SGIP1: variants seen among roughly 807,000 people sequenced by gnomAD.
The protein encoded by SGIP1 is SH3GL interacting endocytic adaptor 1, also known as SH3-containing GRB2-like protein 3-interacting protein 1.
SGIP1 carries 38 observed loss-of-function variants against 107.5 expected under a neutral mutation model. That is an observed-to-expected ratio of 0.35 (90% CI 0.27 to 0.46). The LOEUF is 0.46. Among genes scored for constraint, SGIP1 ranks in the 20% least tolerant of loss-of-function variants. The pLI, the probability that SGIP1 is intolerant of heterozygous loss-of-function variation, is 1.00. For synonymous variants in SGIP1, 365 were observed against 366.1 expected (o/e 1.00, Z 0.03); for missense variants, 929 against 1,019.5 (o/e 0.91, Z 1.21).
intron 2 of SGIP1, 50 bp from the exon 3 acceptor site, chr1:66,633,020 G>A (rs1369725023): frequency 1.6e-6 from 2 of 1,220,144 alleles, no homozygotes; most frequent in African/African-American, 1.5e-5. Context: ...TAGTCTATGT[G>A]GCAAGAATGA....
chr1:66,656,573 C>T (rs1021987083), intron 7 of SGIP1, among the ~76,000 whole-genome samples: 1 of 152,136 alleles, frequency 6.6e-6, no homozygotes, highest in Non-Finnish European at 1.5e-5. Flanking sequence ...TCTTATGGGA[C>T]CACCATCGTA....
At chr1:66,719,264 T>C (rs377700551) in intron 18 of SGIP1, 30 bp from the exon 19 acceptor site, 2 of 1,496,620 alleles carry the variant, frequency 1.3e-6, no homozygotes, top group African/African-American at 2.8e-5. Flanking sequence ...CCTATTTTCA[T>C]AATAAATGAA....
intron 7 of SGIP1, among the ~76,000 whole-genome samples, chr1:66,648,534 C>A (rs1009097831): frequency 2.0e-5 from 3 of 152,182 alleles, no homozygotes; most frequent in African/African-American, 4.8e-5. Flanking sequence ...ATTCTCCTAA[C>A]TGTGCCCTAA....
At chr1:66,608,418 TA>T (rs1374959018) in intron 1 of SGIP1, among the ~76,000 whole-genome samples, 1 of 152,214 alleles carries the variant, frequency 6.6e-6, no homozygotes, top group Non-Finnish European at 1.5e-5. Flanking sequence ...TAAGCAAAAA[TA>T]ATTACACATA....
chr1:66,558,416 A>T (rs556691724), intron 1 of SGIP1, among the ~76,000 whole-genome samples: 4 of 151,948 alleles, frequency 2.6e-5, no homozygotes, highest in Non-Finnish European at 5.9e-5. Context: ...TAATCTGAAG[A>T]CTAAGCTAAC....
intron 1 of SGIP1, among the ~76,000 whole-genome samples, chr1:66,572,642 T>C (rs891019993): frequency 6.6e-6 from 1 of 152,084 alleles, no homozygotes; most frequent in Non-Finnish European, 1.5e-5. Flanking sequence ...CATCAACTTA[T>C]GATAGTAGTT....
At chr1:66,589,198 A>G (rs376008729) in intron 1 of SGIP1, among the ~76,000 whole-genome samples, 903 of 60,104 alleles carry the variant, frequency 0.015, 57 homozygotes, top group East Asian at 0.05. Flanking sequence ...ATATATATAT[A>G]TATATATATA....
At chr1:66,612,906 T>G (rs948176603) in intron 1 of SGIP1, among the ~76,000 whole-genome samples, 1 of 152,234 alleles carries the variant, frequency 6.6e-6, no homozygotes, top group African/African-American at 2.4e-5. Context: ...TGCTAAAAAC[T>G]CAGACTTGGC....
chr1:66,609,758 T>G (rs1374334468), intron 1 of SGIP1, among the ~76,000 whole-genome samples: 2 of 152,216 alleles, frequency 1.3e-5, no homozygotes, highest in African/African-American at 4.8e-5. Context: ...CTGACTAGGA[T>G]GCTAGCAAAC....
intron 1 of SGIP1, among the ~76,000 whole-genome samples, chr1:66,620,529 C>T (rs2070764696): frequency 6.6e-6 from 1 of 151,876 alleles, no homozygotes; most frequent in South Asian, 2.1e-4. Context: ...TACATGGCAG[C>T]AGAGAAGAGA....
chr1:66,548,676 G>C (rs1394174619), intron 1 of SGIP1, among the ~76,000 whole-genome samples: 1 of 152,146 alleles, frequency 6.6e-6, no homozygotes, highest in African/African-American at 2.4e-5. Context: ...GGCCAGATCA[G>C]AAAGATAGAA....
At chr1:66,563,874 T>C (rs1423363265) in intron 1 of SGIP1, among the ~76,000 whole-genome samples, 1 of 151,992 alleles carries the variant, frequency 6.6e-6, no homozygotes, top group Non-Finnish European at 1.5e-5. Flanking sequence ...CTTCCTTAAC[T>C]CTTAGAAAGC....
chr1:66,680,164 A>C (rs6588216), intron 14 of SGIP1, among the ~76,000 whole-genome samples: 1 of 152,060 alleles, frequency 6.6e-6, no homozygotes, highest in African/African-American at 2.4e-5. Context: ...TATCTAGTCT[A>C]TGAAGACATA....
rs1288274888 is a variant in SGIP1 at position 66,744,391 on chromosome 1, A to T, written c.*1296A>T. On this transcript the variant is annotated 3_prime_UTR_variant, in exon 25 of 25. Transcript: ENST00000371037. Reference sequence around the variant, plus strand: ...TATTCAATCTGGCCCTGCCATATGAACATTTAGAAAGACAAACTTCTTCGG... The same window carrying T: ...TATTCAATCTGGCCCTGCCATATGATCATTTAGAAAGACAAACTTCTTCGG... The T allele has an allele frequency of 1.3e-5, 2 of 152,166 alleles. No individual in the cohort carries two copies. Among genetic ancestry groups the T allele is most frequent in the African/African-American group, 4.8e-5 (2 of 41,474 alleles). 9.4% of individuals were successfully genotyped at this position (152,166 alleles called of 1,614,324 possible). A position where few individuals can be genotyped will look rare whatever the true frequency, so the allele number is the denominator to read the frequency against.
At chr1:66,569,735 C>A (rs2060128605) in intron 1 of SGIP1, among the ~76,000 whole-genome samples, 1 of 151,388 alleles carries the variant, frequency 6.6e-6, no homozygotes, top group Non-Finnish European at 1.5e-5. Context: ...TTGGTTTTGT[C>A]CTCATAAATG....
intron 1 of SGIP1, among the ~76,000 whole-genome samples, chr1:66,558,189 G>A (rs1161435514): frequency 1.3e-5 from 2 of 152,090 alleles, no homozygotes; most frequent in African/African-American, 4.8e-5. Context: ...GGAGACAATG[G>A]CATTCATCTC....
At chr1:66,543,700 A>G (rs1398165004) in intron 1 of SGIP1, among the ~76,000 whole-genome samples, 2 of 151,982 alleles carry the variant, frequency 1.3e-5, no homozygotes, top group Non-Finnish European at 2.9e-5. Flanking sequence ...GTGTGGGGGG[A>G]AGGGCCAGGA....
intron 7 of SGIP1, chr1:66,660,195 GAAA>G (rs2081119166): frequency 1.1e-5 from 2 of 180,476 alleles, no homozygotes; most frequent in East Asian, 1.4e-4. Flanking sequence ...AAGAAAGAAA[GAAA>G]GAAAGAAAGA....
At chr1:66,589,286 A>G (rs1235372764) in intron 1 of SGIP1, among the ~76,000 whole-genome samples, 1 of 144,050 alleles carries the variant, frequency 6.9e-6, no homozygotes, top group African/African-American at 2.5e-5. Context: ...AAAAAGAATG[A>G]ATCAATTTAA....
Sources: gnomAD v4.1 joint callset for allele counts (sites outside exome capture counted in the v4.1 genomes callset) on GRCh38, gnomAD v4.1.1 for gene constraint, MANE v1.5 for transcripts, NCBI Gene and HGNC (gene_info 2026-07-23, HGNC 2026-07-21) for gene names.